FGF14: variants seen among roughly 807,000 people sequenced by gnomAD.
The protein encoded by FGF14 is fibroblast growth factor 14, also known as fibroblast growth factor homologous factor 4.
A neutral mutation model predicts 25.5 loss-of-function variants in FGF14; 5 were observed. The observed-to-expected ratio is 0.20, with a 90% CI of 0.10 to 0.41. The LOEUF (loss-of-function observed/expected upper bound fraction) is 0.41. Ranked by LOEUF, FGF14 falls within the 10% of genes least tolerant of loss-of-function variation. The pLI is 1.00. For missense variants in FGF14, 222 were observed against 320.1 expected, an observed-to-expected ratio of 0.69 and a Z score of 2.34; for synonymous variants, 138 against 118.3, an observed-to-expected ratio of 1.17 and a Z score of -1.08.
rs1364742739 is a variant in FGF14 at position 101,848,861 on chromosome 13, C to G, written c.408+19864G>C. Among the ~76,000 whole-genome samples, 3 of 152,044 alleles carry G rather than the reference C, an allele frequency of 2.0e-5. 1 individual carries two copies. Among genetic ancestry groups the G allele is most frequent in the South Asian group, 4.2e-4 (2 of 4,810 alleles). On this transcript the variant is annotated intron_variant, in intron 3 of 4. Transcript: ENST00000376143. The stretch of plus-strand genomic sequence containing the variant: ...TATATAAAAATAAAAAAATAAAAGT[C>G]TGTTTGGAATTTAAAGAAACTCATA...
At chr13:102,381,822 G>A (rs1343990451) in intron 1 of FGF14, among the ~76,000 whole-genome samples, 2 of 152,094 alleles carry the variant, frequency 1.3e-5, no homozygotes, top group African/African-American at 2.4e-5. Flanking sequence ...TTTTTAGAGT[G>A]TTCTTTGGTA....
chr13:102,234,697 ATACT>A (rs1389198326), intron 1 of FGF14, among the ~76,000 whole-genome samples: 1 of 152,210 alleles, frequency 6.6e-6, no homozygotes, highest in African/African-American at 2.4e-5. Flanking sequence ...AGTTCTGTAC[ATACT>A]TCATTAATAT....
chr13:101,810,092 C>T (rs558807815), intron 3 of FGF14, among the ~76,000 whole-genome samples: 2 of 152,296 alleles, frequency 1.3e-5, no homozygotes, highest in African/African-American at 4.8e-5. Context: ...AAAACTCCCA[C>T]TTCATCATTA....
At chr13:101,796,572 T>G (rs2040534741) in intron 3 of FGF14, among the ~76,000 whole-genome samples, 1 of 151,978 alleles carries the variant, frequency 6.6e-6, no homozygotes, top group African/African-American at 2.4e-5. Context: ...AAGGGGCAAT[T>G]AAAGACAAAT....
chr13:102,339,198 A>C (rs1181451719), intron 1 of FGF14, among the ~76,000 whole-genome samples: 2 of 151,986 alleles, frequency 1.3e-5, no homozygotes, highest in Non-Finnish European at 2.9e-5. Flanking sequence ...CGTACCCCAT[A>C]AATATATATA....
intron 1 of FGF14, among the ~76,000 whole-genome samples, chr13:102,124,720 T>C (rs1213007189): frequency 1.3e-5 from 2 of 152,078 alleles, no homozygotes; most frequent in African/African-American, 2.4e-5. Flanking sequence ...AGGCTTCCAA[T>C]GTTTTCCTTT....
intron 3 of FGF14, among the ~76,000 whole-genome samples, chr13:101,815,906 A>T (rs7999888): frequency 0.56 from 85,528 of 151,866 alleles, 24,520 homozygotes; most frequent in Non-Finnish European, 0.62. Flanking sequence ...GCTAGAGACA[A>T]GGGGAATTTC....
At chr13:102,396,408 G>A (rs2058585293) in intron 1 of FGF14, among the ~76,000 whole-genome samples, 1 of 152,214 alleles carries the variant, frequency 6.6e-6, no homozygotes, top group Non-Finnish European at 1.5e-5. Flanking sequence ...AGACATCTAC[G>A]TGGTATTTAT....
intron 1 of FGF14, among the ~76,000 whole-genome samples, chr13:102,382,510 C>T (rs1027483774): frequency 5.3e-5 from 8 of 152,196 alleles, no homozygotes; most frequent in African/African-American, 1.9e-4. Flanking sequence ...TTAGAACCCT[C>T]ATACATTGCT....
intron 1 of FGF14, among the ~76,000 whole-genome samples, chr13:101,911,851 A>T (rs1280783852): frequency 2.0e-5 from 3 of 152,142 alleles, no homozygotes; most frequent in East Asian, 1.9e-4. Context: ...GAAAACCAAC[A>T]CCAAAGAGAA....
chr13:102,358,603 C>T (rs1310244262), intron 1 of FGF14, among the ~76,000 whole-genome samples: 1 of 152,180 alleles, frequency 6.6e-6, no homozygotes, highest in African/African-American at 2.4e-5. Flanking sequence ...CTGATCTGTA[C>T]TCCACCTGAA....
intron 1 of FGF14, among the ~76,000 whole-genome samples, chr13:102,168,183 A>T (rs1441565254): frequency 1.3e-5 from 2 of 152,134 alleles, no homozygotes; most frequent in African/African-American, 4.8e-5. Flanking sequence ...TTATGGCATT[A>T]ATAGAAACCA....
chr13:102,181,191 T>G (rs1381916820), intron 1 of FGF14, among the ~76,000 whole-genome samples: 1 of 152,166 alleles, frequency 6.6e-6, no homozygotes, highest in Non-Finnish European at 1.5e-5. Context: ...TTAAAAAAGT[T>G]TAAAAGATTT....
chr13:101,795,946 A>C (rs2140111602), intron 3 of FGF14, among the ~76,000 whole-genome samples: 1 of 152,220 alleles, frequency 6.6e-6, no homozygotes, highest in South Asian at 2.1e-4. Context: ...TGAGGAAAAA[A>C]TGCCAAATAC....
intron 3 of FGF14, among the ~76,000 whole-genome samples, chr13:101,864,137 T>A (rs1489112717): frequency 6.6e-6 from 1 of 152,164 alleles, no homozygotes; most frequent in Admixed American, 6.6e-5. Context: ...TATATACATA[T>A]TTATCCTGTA....
At chr13:102,161,642 A>C (rs1293933980) in intron 1 of FGF14, among the ~76,000 whole-genome samples, 9 of 10,662 alleles carry the variant, frequency 8.4e-4, no homozygotes, top group Admixed American at 1.3e-3. Context: ...AAGAAGAAGA[A>C]GAAGAAGAAG....
chr13:102,111,903 G>T (rs578231265), intron 1 of FGF14, among the ~76,000 whole-genome samples: 8 of 151,914 alleles, frequency 5.3e-5, no homozygotes, highest in Non-Finnish European at 1.0e-4. Flanking sequence ...TGACATGCAA[G>T]AACTGAAATT....
intron 1 of FGF14, among the ~76,000 whole-genome samples, chr13:102,240,627 A>G (rs1020261454): frequency 2.1e-4 from 32 of 152,324 alleles, no homozygotes; most frequent in Middle Eastern, 3.4e-3. Context: ...TGAACTACTC[A>G]GTAAGTATTG....
At chr13:101,926,131 T>C (rs1477787379) in intron 1 of FGF14, among the ~76,000 whole-genome samples, 1 of 152,174 alleles carries the variant, frequency 6.6e-6, no homozygotes, top group Non-Finnish European at 1.5e-5. Flanking sequence ...ATTCACATAC[T>C]CACAAGTTGC....
Sources: allele counts gnomAD v4.1 joint callset (sites outside exome capture counted in the v4.1 genomes callset), GRCh38; gene constraint gnomAD v4.1.1; transcripts MANE v1.5; gene names NCBI Gene and HGNC (gene_info 2026-07-23, HGNC 2026-07-21).